Variants in PPHLN1 observed in about 807,000 individuals in gnomAD.
PPHLN1 encodes periphilin-1.
Under a neutral mutation model 51.3 loss-of-function variants are expected in PPHLN1, and 29 were observed. The ratio of observed to expected loss-of-function variants is 0.57; its 90% CI spans 0.42 to 0.77. The LOEUF (loss-of-function observed/expected upper bound fraction) is 0.77, where lower values mean the gene tolerates loss of function less well. Among genes scored for constraint, PPHLN1 ranks in the 30% least tolerant of loss-of-function variants. PPHLN1 has a pLI of 0.00. For missense variants in PPHLN1, 436 were observed against 438.4 expected, an observed-to-expected ratio of 0.99 and a Z score of 0.05; for synonymous variants, 147 against 147.8, an observed-to-expected ratio of 0.99 and a Z score of 0.04.
chr12:42,445,000 C>T (rs991764446), downstream of PPHLN1: 5 of 698,126 alleles, frequency 7.2e-6, no homozygotes, highest in African/African-American at 1.8e-5. Context: ...TCTGTTCAGC[C>T]CATCAATATT....
chr12:42,415,885 C>T (rs1408348245), intron 9 of PPHLN1, among the ~76,000 whole-genome samples: 1 of 152,124 alleles, frequency 6.6e-6, no homozygotes, highest in Non-Finnish European at 1.5e-5. Context: ...AGAACTGTGA[C>T]CACTTCTTAT....
intron 2 of PPHLN1, among the ~76,000 whole-genome samples, chr12:42,342,552 A>G (rs1387255869): frequency 2.0e-5 from 3 of 152,228 alleles, no homozygotes; most frequent in Non-Finnish European, 4.4e-5. Context: ...TCATTAGCTT[A>G]TTTGAAAATG....
At chr12:42,446,639 G>C (rs957324405), downstream of PPHLN1, 3 of 1,612,702 alleles carry the variant, frequency 1.9e-6, no homozygotes, top group Non-Finnish European at 2.5e-6. Context: ...TGACAAAACT[G>C]TTGCTGCACA....
intron 2 of PPHLN1, among the ~76,000 whole-genome samples, chr12:42,336,186 G>T (rs1005612313): frequency 6.6e-6 from 1 of 152,028 alleles, no homozygotes; most frequent in Non-Finnish European, 1.5e-5. Context: ...TATATTTCTT[G>T]TTTAAATTTC....
intron 9 of PPHLN1, among the ~76,000 whole-genome samples, chr12:42,405,025 TAA>T (rs2079170744): frequency 6.6e-6 from 1 of 152,154 alleles, no homozygotes; most frequent in Admixed American, 6.5e-5. Context: ...AGACTCCGTC[TAA>T]AAAAATAAAA....
chr12:42,397,150 T>C (rs2078312036), intron 8 of PPHLN1, among the ~76,000 whole-genome samples: 1 of 152,166 alleles, frequency 6.6e-6, no homozygotes, highest in Non-Finnish European at 1.5e-5. Flanking sequence ...TTGGCTTCAA[T>C]GTCTGTGCTT....
chr12:42,378,026 T>C (rs936406062), intron 5 of PPHLN1, among the ~76,000 whole-genome samples: 1 of 152,194 alleles, frequency 6.6e-6, no homozygotes, highest in Admixed American at 6.5e-5. Flanking sequence ...AAATATGGGG[T>C]AAATTGAATG....
chr12:42,437,830 T>A (rs1211010921), intron 9 of PPHLN1, among the ~76,000 whole-genome samples: 1 of 152,232 alleles, frequency 6.6e-6, no homozygotes. Context: ...TGTCCTATGT[T>A]CCACCTGTTT....
intron 4 of PPHLN1, 151 bp downstream of exon 4, chr12:42,355,373 A>G (rs1210600072): frequency 1.3e-5 from 8 of 616,186 alleles, no homozygotes; most frequent in East Asian, 3.0e-5. Context: ...TTTTGTGACT[A>G]TGTAGTATAA....
chr12:42,352,741 A>G (rs150716574), intron 3 of PPHLN1, among the ~76,000 whole-genome samples: 10 of 152,248 alleles, frequency 6.6e-5, no homozygotes, highest in African/African-American at 1.2e-4. Context: ...CCTAAAGTCT[A>G]TTTATTAACT....
chr12:42,431,962 G>A (rs2082075770), intron 9 of PPHLN1: 2 of 1,478,982 alleles, frequency 1.4e-6, no homozygotes, highest in Admixed American at 3.3e-5. Flanking sequence ...AGATTTGCTG[G>A]CATCAGTGTC....
At chr12:42,395,132 A>C (rs1406343115) in intron 8 of PPHLN1, among the ~76,000 whole-genome samples, 1 of 152,038 alleles carries the variant, frequency 6.6e-6, no homozygotes, top group Non-Finnish European at 1.5e-5. Context: ...TGAATAATCC[A>C]TGAGTGACTT....
chr12:42,427,869 G>C (rs1313896481), intron 9 of PPHLN1, among the ~76,000 whole-genome samples: 2 of 151,994 alleles, frequency 1.3e-5, no homozygotes, highest in Non-Finnish European at 2.9e-5. Context: ...ATCTGACAAA[G>C]GACTAATACC....
At chr12:42,437,184 T>A (rs746893) in intron 9 of PPHLN1, among the ~76,000 whole-genome samples, 30,176 of 152,168 alleles carry the variant, frequency 0.2, 3,366 homozygotes, top group African/African-American at 0.3. Context: ...TATCCTATGC[T>A]CTAGGTGTGC....
chr12:42,362,467 G>A (rs763786086), intron 4 of PPHLN1, among the ~76,000 whole-genome samples: 1 of 152,148 alleles, frequency 6.6e-6, no homozygotes, highest in Non-Finnish European at 1.5e-5. Context: ...CATCTGTGTT[G>A]TTTTGACATG....
chr12:42,344,127 G>A (rs570704271), intron 2 of PPHLN1, among the ~76,000 whole-genome samples: 2 of 152,194 alleles, frequency 1.3e-5, no homozygotes, highest in Admixed American at 6.5e-5. Flanking sequence ...TATTATGGAT[G>A]TGGTGCTTAC....
intron 8 of PPHLN1, among the ~76,000 whole-genome samples, chr12:42,394,099 T>G (rs1447426997): frequency 2.0e-5 from 3 of 152,110 alleles, no homozygotes; most frequent in Non-Finnish European, 2.9e-5. Flanking sequence ...ATGCAGATTA[T>G]CTCATAAATA....
chr12:42,333,734 G>A (rs753273374), intron 1 of PPHLN1, among the ~76,000 whole-genome samples: 5 of 152,160 alleles, frequency 3.3e-5, no homozygotes, highest in African/African-American at 7.2e-5. Flanking sequence ...CGCCCACCTC[G>A]GCCTCCCAAA....
chr12:42,366,969 T>C (rs907007854), intron 4 of PPHLN1, among the ~76,000 whole-genome samples: 1 of 152,178 alleles, frequency 6.6e-6, no homozygotes, highest in Non-Finnish European at 1.5e-5. Flanking sequence ...TTTTTTTCTC[T>C]CTCTGTACAC....
Sources: gnomAD v4.1 joint callset for allele counts (sites outside exome capture counted in the v4.1 genomes callset) on GRCh38, gnomAD v4.1.1 for gene constraint, MANE v1.5 for transcripts, NCBI Gene and HGNC (gene_info 2026-07-23, HGNC 2026-07-21) for gene names.